The following PPP2R2B variants were observed in gnomAD, a reference collection of about 807,000 sequenced individuals.
PPP2R2B encodes the protein serine/threonine-protein phosphatase 2A 55 kDa regulatory subunit B beta isoform.
PPP2R2B carries 5 observed loss-of-function variants against 46.0 expected under a neutral mutation model. The observed-to-expected ratio is 0.11, with a 90% CI of 0.06 to 0.23. The LOEUF is 0.23. Among genes scored for constraint, PPP2R2B ranks in the 10% least tolerant of loss-of-function variants. PPP2R2B has a pLI of 1.00. For synonymous variants in PPP2R2B, 215 were observed against 206.7 expected (o/e 1.04, Z -0.34); for missense variants, 367 against 575.0 (o/e 0.64, Z 3.70).
At chr5:147,044,985 C>G (rs1164294820) in intron 1 of PPP2R2B, among the ~76,000 whole-genome samples, 2 of 152,154 alleles carry the variant, frequency 1.3e-5, no homozygotes, top group South Asian at 4.1e-4. Context: ...CTATTCCAAA[C>G]AGAACAGAAT....
rs554331943 is a variant in PPP2R2B at position 146,891,861 on chromosome 5, G to A, written c.79+163804C>T. On this transcript the variant is annotated intron_variant, in intron 1 of 8. Transcript: ENST00000336640. ...GTGGGGCCCAAATCAAAAAAAGGGG[G>A]CATCTTTTGTTCTTAAAGTATTTGG... Among the ~76,000 whole-genome samples the A allele has an allele frequency of 2.0e-5, 3 of 152,226 alleles. No individual in the cohort carries two copies. The East Asian group carries it at 5.8e-4, about 29-fold the overall frequency.
intron 2 of PPP2R2B, among the ~76,000 whole-genome samples, chr5:146,743,138 C>T (rs1172943956): frequency 6.6e-6 from 1 of 152,176 alleles, no homozygotes; most frequent in Non-Finnish European, 1.5e-5. Flanking sequence ...AAACCAGGTC[C>T]TATGGTAAGC....
At chr5:146,591,013 A>G (rs1770592779) in intron 9 of PPP2R2B, among the ~76,000 whole-genome samples, 1 of 152,142 alleles carries the variant, frequency 6.6e-6, no homozygotes, top group South Asian at 2.1e-4. Context: ...GCAAACACCC[A>G]ATGTCTTCCA....
chr5:147,012,930 C>G (rs1754813515), intron 1 of PPP2R2B, among the ~76,000 whole-genome samples: 1 of 152,104 alleles, frequency 6.6e-6, no homozygotes, highest in African/African-American at 2.4e-5. Flanking sequence ...TTTGATTGCA[C>G]TGTGGTCTGA....
At chr5:146,683,848 A>G (rs775098679) in intron 5 of PPP2R2B, among the ~76,000 whole-genome samples, 5 of 152,220 alleles carry the variant, frequency 3.3e-5, no homozygotes, top group Non-Finnish European at 5.9e-5. Context: ...ATGATAACAG[A>G]AATTATTATT....
intron 2 of PPP2R2B, among the ~76,000 whole-genome samples, chr5:146,794,202 G>T (rs576755888): frequency 1.3e-5 from 2 of 152,196 alleles, no homozygotes; most frequent in South Asian, 2.1e-4. Flanking sequence ...TGAAAAAATA[G>T]TTTGATACTC....
intron 1 of PPP2R2B, among the ~76,000 whole-genome samples, chr5:146,921,354 C>T (rs1293993864): frequency 6.6e-6 from 1 of 152,156 alleles, no homozygotes; most frequent in Non-Finnish European, 1.5e-5. Flanking sequence ...CCCAACTAAA[C>T]CATGAATCAA....
chr5:146,810,494 G>A (rs530834619), intron 2 of PPP2R2B, among the ~76,000 whole-genome samples: 1 of 152,274 alleles, frequency 6.6e-6, no homozygotes, highest in African/African-American at 2.4e-5. Flanking sequence ...AATTCAAGAT[G>A]AGATTTGGGT....
intron 5 of PPP2R2B, among the ~76,000 whole-genome samples, chr5:146,657,666 T>C (rs1186833812): frequency 1.9e-5 from 2 of 103,404 alleles, no homozygotes. Context: ...TACTATGCAA[T>C]TCATAAACAC....
Position 146,733,708 on chromosome 5 carries a change from G to GACACACACAGAC in PPP2R2B, c.71-32567_71-32566insGTCTGTGTGTGT, listed in dbSNP as rs1329947720. ...GGCAAGGAAAACAAAACCACACACA[G>GACACACACAGAC]ACACACACACACACAAACACACACA... On this transcript the variant is annotated intron_variant, in intron 2 of 9. Transcript: ENST00000394411. Among the ~76,000 whole-genome samples, 1,170 of 151,734 alleles carry GACACACACAGAC rather than the reference G, an allele frequency of 7.7e-3. 22 individuals are homozygous for GACACACACAGAC. The highest frequency in any genetic ancestry group is 0.027 in the African/African-American group (1,113 of 41,384).
At chr5:146,638,556 G>A (rs1350306366) in intron 6 of PPP2R2B, 141 bp from the exon 7 acceptor site, 2 of 780,802 alleles carry the variant, frequency 2.6e-6, no homozygotes, top group Non-Finnish European at 3.8e-6. Flanking sequence ...TCATAAACTT[G>A]TCCCAGGCAG....
At chr5:146,923,871 C>T (rs759983339) in intron 1 of PPP2R2B, among the ~76,000 whole-genome samples, 1 of 152,152 alleles carries the variant, frequency 6.6e-6, no homozygotes, top group Non-Finnish European at 1.5e-5. Context: ...ACATATACAC[C>T]GTGGACTACT....
At chr5:147,036,571 A>G (rs1756047483) in intron 1 of PPP2R2B, among the ~76,000 whole-genome samples, 1 of 152,184 alleles carries the variant, frequency 6.6e-6, no homozygotes. Context: ...TCTGCTTCTA[A>G]GACTTTGAGG....
intron 2 of PPP2R2B, among the ~76,000 whole-genome samples, chr5:146,713,872 A>G (rs1160043178): frequency 1.3e-5 from 2 of 152,176 alleles, no homozygotes; most frequent in Non-Finnish European, 2.9e-5. Flanking sequence ...TGAGAGGTTT[A>G]TAAGTACAGA....
At chr5:146,814,202 A>AG (rs1270358184) in intron 2 of PPP2R2B, among the ~76,000 whole-genome samples, 1 of 151,942 alleles carries the variant, frequency 6.6e-6, no homozygotes, top group Non-Finnish European at 1.5e-5. Flanking sequence ...AAAAAAAAAA[A>AG]AAAACCCTCC....
At chr5:146,812,811 A>ATATATATATATATG (rs1757692455) in intron 2 of PPP2R2B, among the ~76,000 whole-genome samples, 1 of 67,390 alleles carries the variant, frequency 1.5e-5, no homozygotes, top group Non-Finnish European at 2.8e-5. Flanking sequence ...ATATATATAT[A>ATATATATATATATG]TATATATATA....
At chr5:146,896,297 A>G (rs1349015440) in intron 1 of PPP2R2B, among the ~76,000 whole-genome samples, 1 of 152,160 alleles carries the variant, frequency 6.6e-6, no homozygotes, top group Admixed American at 6.6e-5. Flanking sequence ...ATCTCTCACC[A>G]TCACCCTGAA....
At chr5:147,050,279 C>A (rs1317219909) in intron 1 of PPP2R2B, among the ~76,000 whole-genome samples, 4 of 152,140 alleles carry the variant, frequency 2.6e-5, no homozygotes, top group Non-Finnish European at 4.4e-5. Context: ...CAGACAAATG[C>A]CGTGTGCACT....
intron 2 of PPP2R2B, among the ~76,000 whole-genome samples, chr5:146,824,923 A>T (rs1424592823): frequency 6.6e-6 from 1 of 152,002 alleles, no homozygotes; most frequent in East Asian, 1.9e-4. Context: ...GGGCTTCACC[A>T]TGTTGGCCAG....
Sources: allele counts gnomAD v4.1 joint callset (sites outside exome capture counted in the v4.1 genomes callset), GRCh38; gene constraint gnomAD v4.1.1; transcripts MANE v1.5; gene names NCBI Gene and HGNC (gene_info 2026-07-23, HGNC 2026-07-21).